The following ENPP6 variants were observed in gnomAD, a reference collection of about 807,000 sequenced individuals.
ENPP6 encodes the protein glycerophosphocholine cholinephosphodiesterase ENPP6.
ENPP6 carries 32 observed loss-of-function variants against 42.0 expected under a neutral mutation model. That is an observed-to-expected ratio of 0.76 (90% CI 0.58 to 1.02). The LOEUF is 1.02. Ranked by LOEUF, ENPP6 falls within the 50% of genes least tolerant of loss-of-function variation. The pLI is 0.00. For synonymous variants in ENPP6, 213 were observed against 216.0 expected (o/e 0.99, Z 0.12); for missense variants, 552 against 566.8 (o/e 0.97, Z 0.27).
rs193029914 is a variant in ENPP6, at chr4:184,195,194, C to T, written c.241+22385G>A. ...TTGTTACCTAAGCAAACTTGTGTCA[C>T]GTGGGTTTGTTGTACGGATTATTTC... is the stretch of plus-strand genomic sequence containing the variant. On this transcript the variant is annotated intron_variant, in intron 1 of 7. Transcript: ENST00000296741. Among the ~76,000 whole-genome samples, 28 of 152,128 alleles carry T rather than the reference C, an allele frequency of 1.8e-4. No homozygotes were observed. In the East Asian group the frequency reaches 2.3e-3, roughly 13 times the overall value.
At chr4:184,092,510 C>T (rs114005962) in intron 7 of ENPP6, among the ~76,000 whole-genome samples, 131 of 152,190 alleles carry the variant, frequency 8.6e-4, no homozygotes, top group African/African-American at 2.9e-3. Flanking sequence ...TGAGGGACGC[C>T]GAGGGTGACT....
At chr4:184,177,805 CAG>C (rs1223702644) in intron 1 of ENPP6, among the ~76,000 whole-genome samples, 4 of 151,666 alleles carry the variant, frequency 2.6e-5, no homozygotes, top group African/African-American at 9.7e-5. Flanking sequence ...AAAAGAAAAA[CAG>C]ATAAACAGAA....
At chr4:184,163,964 G>T (rs1737307600) in intron 1 of ENPP6, among the ~76,000 whole-genome samples, 1 of 152,238 alleles carries the variant, frequency 6.6e-6, no homozygotes, top group African/African-American at 2.4e-5. Flanking sequence ...ATTCAATGGA[G>T]CGCCGAGTCC....
At chr4:184,155,801 A>G (rs1051349785) in intron 1 of ENPP6, among the ~76,000 whole-genome samples, 8 of 152,182 alleles carry the variant, frequency 5.3e-5, no homozygotes, top group Non-Finnish European at 1.2e-4. Flanking sequence ...TATAATCTAT[A>G]CTTGTATATC....
intron 3 of ENPP6, among the ~76,000 whole-genome samples, chr4:184,120,413 C>T (rs778379747): frequency 5.9e-5 from 9 of 152,206 alleles, no homozygotes; most frequent in Non-Finnish European, 1.0e-4. Context: ...TGGCTGTGCC[C>T]ACTGTTCCGG....
At chr4:184,197,733 A>G (rs905156719) in intron 1 of ENPP6, among the ~76,000 whole-genome samples, 4 of 152,220 alleles carry the variant, frequency 2.6e-5, no homozygotes, top group Non-Finnish European at 5.9e-5. Context: ...GCTCATTCAT[A>G]TAGTTTTAGT....
At chr4:184,179,591 T>A (rs1390901890) in intron 1 of ENPP6, among the ~76,000 whole-genome samples, 2 of 152,142 alleles carry the variant, frequency 1.3e-5, no homozygotes, top group Non-Finnish European at 2.9e-5. Context: ...TGTCACTAAC[T>A]GTAAAATCAA....
intron 1 of ENPP6, among the ~76,000 whole-genome samples, chr4:184,177,219 C>T (rs997763557): frequency 3.3e-5 from 5 of 152,234 alleles, no homozygotes. Context: ...AACAACTCCC[C>T]ACAGCGCAGC....
At chr4:184,199,537 G>A (rs759963002) in intron 1 of ENPP6, among the ~76,000 whole-genome samples, 5 of 152,172 alleles carry the variant, frequency 3.3e-5, no homozygotes, top group African/African-American at 7.2e-5. Flanking sequence ...CTAGACATGC[G>A]GCAGAGCTGA....
chr4:184,197,972 G>A (rs546094181), intron 1 of ENPP6, among the ~76,000 whole-genome samples: 44 of 152,284 alleles, frequency 2.9e-4, no homozygotes, highest in Non-Finnish European at 5.9e-4. Flanking sequence ...GATGAACACA[G>A]CAGTGGTGTT....
At chr4:184,130,401 A>G in intron 2 of ENPP6, among the ~76,000 whole-genome samples, 1 of 137,010 alleles carries the variant, frequency 7.3e-6, no homozygotes, top group Admixed American at 7.3e-5. Context: ...TACTAAAAAC[A>G]CAAAAAATTA....
intron 1 of ENPP6, among the ~76,000 whole-genome samples, chr4:184,172,581 C>T (rs909140197): frequency 4.6e-5 from 7 of 152,100 alleles, no homozygotes; most frequent in African/African-American, 1.7e-4. Flanking sequence ...GGACATAAGG[C>T]GGCCTGGACC....
rs1194220751 is a variant in ENPP6, at chr4:184,184,796, T to C, written c.242-31063A>G. Among the ~76,000 whole-genome samples the C allele has an allele frequency of 6.6e-6, 1 of 151,894 alleles. No homozygotes were observed. The highest frequency in any genetic ancestry group is 1.5e-5 in the Non-Finnish European group (1 of 67,958). ...AGCTGGAGGACAGTCATAGAACAGA[T>C]TCTCCCTCGGAGCACCGAGAAGGCA... On this transcript the variant is annotated intron_variant, in intron 1 of 7. Coordinates refer to ENST00000296741, the MANE Select transcript of ENPP6 (RefSeq NM_153343.4). This position sits in a 1 kb window ranked among gnomAD's most constrained non-coding sequence, Gnocchi z 4.7.
intron 2 of ENPP6, among the ~76,000 whole-genome samples, chr4:184,143,818 T>TA (rs2111370430): frequency 6.6e-6 from 1 of 152,278 alleles, no homozygotes; most frequent in East Asian, 1.9e-4. Flanking sequence ...TCTGGCTTTT[T>TA]AAAAAAACAT....
chr4:184,194,030 C>T (rs528659892), intron 1 of ENPP6, among the ~76,000 whole-genome samples: 3 of 152,284 alleles, frequency 2.0e-5, no homozygotes, highest in African/African-American at 2.4e-5. Flanking sequence ...TAGCTCTTTG[C>T]CTCTTCCTTG....
chr4:184,103,563 C>G (rs996957799), intron 6 of ENPP6, among the ~76,000 whole-genome samples: 1 of 152,192 alleles, frequency 6.6e-6, no homozygotes, highest in South Asian at 2.1e-4. Context: ...AGTGAAAACG[C>G]TGGTGAAATG....
rs529824134 is a variant in ENPP6, at chr4:184,196,236, C to T, written c.241+21343G>A. Among the ~76,000 whole-genome samples the T allele has an allele frequency of 9.8e-5, 15 of 152,366 alleles. No homozygotes were observed. The South Asian group carries it at 2.7e-3, about 27-fold the overall frequency. On this transcript the variant is annotated intron_variant, in intron 1 of 7. Coordinates refer to ENST00000296741, the MANE Select transcript of ENPP6 (RefSeq NM_153343.4). ...AATAACTGTCGCCTCAGCGAACCTT[C>T]CCTCTTCACATACACTCTCAGAAAT...
chr4:184,170,640 G>A (rs1481188215), intron 1 of ENPP6, among the ~76,000 whole-genome samples: 2 of 152,110 alleles, frequency 1.3e-5, no homozygotes, highest in Admixed American at 6.5e-5. Context: ...GGTGCCATTA[G>A]CATGTTCCTT....
At chr4:184,155,138 G>C (rs577757972) in intron 1 of ENPP6, among the ~76,000 whole-genome samples, 1 of 152,156 alleles carries the variant, frequency 6.6e-6, no homozygotes, top group East Asian at 1.9e-4. Context: ...CGCTCACCCT[G>C]TTGCAGAGGA....
Sources: allele counts gnomAD v4.1 joint callset (sites outside exome capture counted in the v4.1 genomes callset), GRCh38; gene constraint gnomAD v4.1.1; non-coding constraint Gnocchi (gnomAD v3.1); transcripts MANE v1.5; gene names NCBI Gene and HGNC (gene_info 2026-07-23, HGNC 2026-07-21).